ST14: variants seen among roughly 807,000 people sequenced by gnomAD.
The protein encoded by ST14 is suppressor of tumorigenicity 14 protein.
Under a neutral mutation model 96.5 loss-of-function variants are expected in ST14, and 40 were observed. The observed-to-expected ratio is 0.41, with a 90% CI of 0.32 to 0.54. The LOEUF (loss-of-function observed/expected upper bound fraction) is 0.54. Ranked by LOEUF, ST14 falls within the 20% of genes least tolerant of loss-of-function variation. ST14 has a pLI of 0.17. For missense variants in ST14, 1,066 were observed against 1,188.9 expected, an observed-to-expected ratio of 0.90 and a Z score of 1.52; for synonymous variants, 506 against 492.1, an observed-to-expected ratio of 1.03 and a Z score of -0.37.
rs1478467645 is a variant in ST14, at chr11:130,187,631, T to TG, written c.82-477dup. On this transcript the variant is annotated intron_variant, in intron 1 of 18. Transcript: ENST00000278742. This position sits in a 1 kb window ranked among gnomAD's most constrained non-coding sequence, Gnocchi z 4.5. Reference sequence around the variant, plus strand: ...GGCCACAGGCTCCTGGGCCAGGTGATGGGGGGATTGAATCTGGTAGGGGCT... The same window carrying TG: ...GGCCACAGGCTCCTGGGCCAGGTGATGGGGGGGATTGAATCTGGTAGGGGCT... 6.6e-6 allele frequency among the ~76,000 whole-genome samples: 1 copy of TG among 151,770 alleles called. No individual in the cohort carries two copies. The highest frequency in any genetic ancestry group is 1.5e-5 in the Non-Finnish European group (1 of 67,936).
At chr11:130,202,551 T>C (rs1176875166) in intron 16 of ST14, among the ~76,000 whole-genome samples, 1 of 152,150 alleles carries the variant, frequency 6.6e-6, no homozygotes. Flanking sequence ...GGTGAGGGTG[T>C]CTGTCAGCTG....
chr11:130,206,452 T>C (rs1953489680), intron 16 of ST14, among the ~76,000 whole-genome samples: 1 of 151,386 alleles, frequency 6.6e-6, no homozygotes, highest in Non-Finnish European at 1.5e-5. Context: ...CCGTTGGTGA[T>C]TCTCACATTG....
chr11:130,203,023 A>G (rs73587037), intron 16 of ST14, among the ~76,000 whole-genome samples: 6,881 of 152,224 alleles, frequency 0.045, 521 homozygotes, highest in African/African-American at 0.15. Context: ...TGCATGCCTT[A>G]AACGTTAGAG....
At chr11:130,160,131 C>T in intron 1 of ST14, 71 bp downstream of exon 1, 2 of 1,089,548 alleles carry the variant, frequency 1.8e-6, no homozygotes, top group South Asian at 5.2e-5. Context: ...CGGCGCTGGG[C>T]TCGGCCGGCT....
intron 15 of ST14, 42 bp downstream of exon 15, chr11:130,199,111 G>A: frequency 6.3e-7 from 1 of 1,596,570 alleles, no homozygotes; most frequent in South Asian, 1.1e-5. Flanking sequence ...GTTGTTCACT[G>A]TGTGAAGTGC....
chr11:130,203,876 A>ACTC (rs1245754165), intron 16 of ST14, among the ~76,000 whole-genome samples: 21 of 151,248 alleles, frequency 1.4e-4, no homozygotes, highest in Non-Finnish European at 2.5e-4. Context: ...CTGGTCTTGA[A>ACTC]CTCCTGACCA....
In ST14 at chr11:130,208,611, G is replaced by T. The variant is rs1225355447; in HGVS notation, c.2196G>T (p.Leu732=). The T allele has an allele frequency of 1.2e-6, 2 of 1,614,038 alleles. No individual in the cohort carries two copies. Among genetic ancestry groups the T allele is most frequent in the African/African-American group, 2.7e-5 (2 of 75,070 alleles). The change falls in exon 17 of 19, where the codon CTG becomes CTT. Residue 732 remains leucine (L), a synonymous_variant. Coordinates refer to ENST00000278742, the MANE Select transcript of ST14 (RefSeq NM_021978.4). The part of the protein sequence containing the change: ...EYSSMVRPIC[L]PDASHVFPAG... ...GCTCCATGGTGCGGCCCATCTGCCT[G>T]CCGGACGCCTCCCATGTCTTCCCTG...
Position 130,172,598 on chromosome 11 carries a change from T to C in ST14, c.81+12538T>C, listed in dbSNP as rs548577699. On this transcript the variant is annotated intron_variant, in intron 1 of 18. Coordinates refer to ENST00000278742, the MANE Select transcript of ST14 (RefSeq NM_021978.4). ...ATACCCGGCTAATTTTTTGTATTTTTAGTAGAGACGGGGTTTCACCGTGTT... is the reference window on the plus strand; with the variant it reads ...ATACCCGGCTAATTTTTTGTATTTTCAGTAGAGACGGGGTTTCACCGTGTT... Among the ~76,000 whole-genome samples, 11 of 151,944 alleles carry C rather than the reference T, an allele frequency of 7.2e-5. No homozygotes were observed. The East Asian group carries it at 9.7e-4, about 13-fold the overall frequency.
rs1353252999 is a variant in ST14 at position 130,197,890 on chromosome 11, G to T, written c.1404G>T (p.Glu468Asp). ...GCACGGGGCGGTGTATCCGGAAGGA[G>T]CTGCGCTGTGATGGCTGGGCCGACT... is the stretch of plus-strand genomic sequence containing the variant. ...TCRTGRCIRK[E>D]LRCDGWADCT... The change falls in exon 12 of 19, where the codon GAG becomes GAT. Residue 468 changes from glutamate (E) to aspartate (D), a missense_variant. Transcript: ENST00000278742. The T allele has an allele frequency of 2.5e-6, 4 of 1,597,306 alleles. No individual in the cohort carries two copies. In the Admixed American group the frequency reaches 6.8e-5, roughly 27 times the overall value.
chr11:130,191,105 C>T (rs1591888392), intron 7 of ST14, among the ~76,000 whole-genome samples: 1 of 152,196 alleles, frequency 6.6e-6, no homozygotes, highest in African/African-American at 2.4e-5. Flanking sequence ...AATCTCAGCG[C>T]TTTGGGAGGC....
intron 1 of ST14, among the ~76,000 whole-genome samples, chr11:130,183,898 GAACA>G (rs1953215659): frequency 6.6e-6 from 1 of 152,176 alleles, no homozygotes; most frequent in Non-Finnish European, 1.5e-5. Flanking sequence ...ATCAATAGGT[GAACA>G]GGTAAACACA....
intron 1 of ST14, among the ~76,000 whole-genome samples, chr11:130,177,071 T>G (rs1389176301): frequency 6.6e-6 from 1 of 150,984 alleles, no homozygotes; most frequent in Admixed American, 6.6e-5. Flanking sequence ...GTGCTGGGAT[T>G]ACAGGCATGA....
chr11:130,185,555 C>T (rs1216299749), intron 1 of ST14, among the ~76,000 whole-genome samples: 1 of 152,090 alleles, frequency 6.6e-6, no homozygotes, highest in East Asian at 1.9e-4. Context: ...ACTCAGGAGG[C>T]TGATGTGGGA....
At chr11:130,205,977 G>C (rs1190820660) in intron 16 of ST14, among the ~76,000 whole-genome samples, 2 of 152,092 alleles carry the variant, frequency 1.3e-5, no homozygotes, top group South Asian at 4.1e-4. Context: ...GATTACAGGC[G>C]TGAGCCACCA....
At chr11:130,189,552 G>C in intron 4 of ST14, 187 bp from the exon 5 acceptor site, 1 of 704,680 alleles carries the variant, frequency 1.4e-6, no homozygotes, top group Non-Finnish European at 2.3e-6. Flanking sequence ...TGAGAGCAGA[G>C]GGCAAAGGGC....
intron 11 of ST14, among the ~76,000 whole-genome samples, chr11:130,197,626 T>C (rs1243410262): frequency 6.6e-6 from 1 of 152,188 alleles, no homozygotes; most frequent in African/African-American, 2.4e-5. Flanking sequence ...CAGCCCAGGT[T>C]GGGGTCTGTG....
chr11:130,160,067 G>A lies in ST14; in HGVS notation c.81+7G>A. The A allele has an allele frequency of 7.0e-7, 1 of 1,423,500 alleles. No individual in the cohort carries two copies. The highest frequency in any genetic ancestry group is 9.3e-7 in the Non-Finnish European group (1 of 1,079,184). 88.2% of individuals were successfully genotyped at this position (1,423,500 alleles called of 1,614,324 possible). ...GTACAACTCCCGGCACGAGGTGAGC[G>A]CGGGCCGGGGACCCGGGGCGCTGGG... On this transcript the variant is annotated splice_region_variant and intron_variant, in intron 1 of 18. Coordinates refer to ENST00000278742, the MANE Select transcript of ST14 (RefSeq NM_021978.4).
In ST14 at chr11:130,194,142, C is replaced by T. The variant is rs1338786756; in HGVS notation, c.876-7C>T. On this transcript the variant is annotated splice_region_variant and splice_polypyrimidine_tract_variant and intron_variant, in intron 7 of 18. Coordinates refer to ENST00000278742, the MANE Select transcript of ST14 (RefSeq NM_021978.4). ...CTCTTCCTAATGCCCGCCCTCTGCC[C>T]CCACAGGTTGTGTGGCACCTACCCT... The T allele has an allele frequency of 1.2e-6, 2 of 1,614,080 alleles. No homozygotes were observed. The highest frequency in any genetic ancestry group is 2.7e-5 in the African/African-American group (2 of 74,930).
At chr11:130,196,507 C>G in intron 10 of ST14, 59 bp downstream of exon 10, 2 of 1,573,860 alleles carry the variant, frequency 1.3e-6, no homozygotes, top group Non-Finnish European at 1.7e-6. Flanking sequence ...GGGGTCCCAC[C>G]AGACCCCCAG....
Sources: allele counts gnomAD v4.1 joint callset (sites outside exome capture counted in the v4.1 genomes callset), GRCh38; gene constraint gnomAD v4.1.1; non-coding constraint Gnocchi (gnomAD v3.1); transcripts MANE v1.5; gene names NCBI Gene and HGNC (gene_info 2026-07-23, HGNC 2026-07-21).